Variants in SOX5 observed in about 807,000 individuals in gnomAD.
SOX5 encodes transcription factor SOX-5.
Under a neutral mutation model 92.0 loss-of-function variants are expected in SOX5, and 9 were observed. The observed-to-expected ratio is 0.10, with a 90% CI of 0.06 to 0.17. SOX5 has a LOEUF of 0.17. Ranked by LOEUF, SOX5 falls within the 10% of genes least tolerant of loss-of-function variation. The pLI, the probability that SOX5 is intolerant of heterozygous loss-of-function variation, is 1.00. For missense variants in SOX5, 642 were observed against 944.5 expected, an observed-to-expected ratio of 0.68 and a Z score of 4.20; for synonymous variants, 344 against 336.3, an observed-to-expected ratio of 1.02 and a Z score of -0.25.
chr12:23,809,617 A>AT (rs2095841587), intron 3 of SOX5, among the ~76,000 whole-genome samples: 2 of 95,826 alleles, frequency 2.1e-5, no homozygotes, highest in African/African-American at 7.2e-5. Flanking sequence ...ATACTTTTTT[A>AT]TTAAAAAAAA....
At chr12:23,896,304 T>C (rs1203219813) in intron 1 of SOX5, among the ~76,000 whole-genome samples, 1 of 152,144 alleles carries the variant, frequency 6.6e-6, no homozygotes, top group East Asian at 1.9e-4. Context: ...CACTGCATAA[T>C]GAAAGACCAT....
intron 1 of SOX5, among the ~76,000 whole-genome samples, chr12:24,520,491 A>T (rs1950173755): frequency 7.2e-6 from 1 of 137,968 alleles, no homozygotes; most frequent in East Asian, 1.9e-4. Context: ...TAGACACATA[A>T]AAGATAAACA....
intron 3 of SOX5, among the ~76,000 whole-genome samples, chr12:24,229,255 A>C (rs1962836641): frequency 6.6e-6 from 1 of 152,238 alleles, no homozygotes; most frequent in Non-Finnish European, 1.5e-5. Context: ...TTAGCATGCC[A>C]GGGGGCTAAT....
chr12:23,759,072 C>T (rs950229476), intron 3 of SOX5, among the ~76,000 whole-genome samples: 28 of 150,486 alleles, frequency 1.9e-4, no homozygotes, highest in African/African-American at 6.8e-4. Flanking sequence ...CACACTGTCC[C>T]TCATTTAATC....
chr12:24,039,774 G>A (rs1031976303), intron 4 of SOX5, among the ~76,000 whole-genome samples: 3 of 152,066 alleles, frequency 2.0e-5, no homozygotes, highest in African/African-American at 4.8e-5. Context: ...AGTACCAGGA[G>A]TATAGTTTAA....
At chr12:24,077,374 C>A (rs1942759942) in intron 4 of SOX5, among the ~76,000 whole-genome samples, 1 of 152,048 alleles carries the variant, frequency 6.6e-6, no homozygotes, top group Non-Finnish European at 1.5e-5. Flanking sequence ...TCTTACGATA[C>A]TCCATGTTTT....
intron 4 of SOX5, among the ~76,000 whole-genome samples, chr12:24,045,755 T>A (rs1956942402): frequency 6.6e-6 from 1 of 152,208 alleles, no homozygotes; most frequent in Non-Finnish European, 1.5e-5. Flanking sequence ...CACAGGTGTG[T>A]TTCTTTATAA....
At chr12:24,557,772 G>GT (rs1164543855) in intron 1 of SOX5, among the ~76,000 whole-genome samples, 4 of 152,202 alleles carry the variant, frequency 2.6e-5, no homozygotes, top group African/African-American at 9.6e-5. Context: ...GGGGTGTTTT[G>GT]TTTTTACTTA....
At position 23,605,094 on chromosome 12, in the gene SOX5, G is replaced by A. The variant is rs897721525; in HGVS notation, c.1018-561C>T. Among the ~76,000 whole-genome samples the A allele has an allele frequency of 4.6e-5, 7 of 152,194 alleles. No individual in the cohort carries two copies. In the South Asian group the frequency reaches 1.5e-3, roughly 32 times the overall value. ...TACCTACATTGATAAAAATTAACTG[G>A]ATGCTTGCCAGAAGTTCACTTTACT... On this transcript the variant is annotated intron_variant, in intron 8 of 14. Coordinates refer to ENST00000451604, the MANE Select transcript of SOX5 (RefSeq NM_006940.6).
At chr12:23,761,204 G>T (rs2094553263) in intron 3 of SOX5, among the ~76,000 whole-genome samples, 3 of 152,032 alleles carry the variant, frequency 2.0e-5, no homozygotes, top group South Asian at 4.1e-4. Flanking sequence ...GAGCTGAAAA[G>T]GTCTTTATAT....
chr12:23,917,617 G>T (rs1039028128), intron 1 of SOX5, among the ~76,000 whole-genome samples: 2 of 152,210 alleles, frequency 1.3e-5, no homozygotes, highest in South Asian at 4.1e-4. Flanking sequence ...ATGGCATTTT[G>T]CTTGCTTCAA....
At chr12:23,556,319 T>TA (rs1422985425) in intron 11 of SOX5, among the ~76,000 whole-genome samples, 1 of 152,184 alleles carries the variant, frequency 6.6e-6, no homozygotes, top group Non-Finnish European at 1.5e-5. Flanking sequence ...ACTCTGATAA[T>TA]AAGAAGGCAA....
chr12:23,722,756 A>G (rs1166401808), intron 6 of SOX5, among the ~76,000 whole-genome samples: 2 of 152,152 alleles, frequency 1.3e-5, no homozygotes, highest in African/African-American at 4.8e-5. Flanking sequence ...ATGCCAAAGC[A>G]TCTAAACGGC....
At chr12:23,856,574 C>T (rs1399059989) in intron 2 of SOX5, among the ~76,000 whole-genome samples, 2 of 151,980 alleles carry the variant, frequency 1.3e-5, no homozygotes, top group African/African-American at 4.8e-5. Context: ...AGAATTAAAC[C>T]TAAGATTCAA....
intron 1 of SOX5, among the ~76,000 whole-genome samples, chr12:24,401,708 T>TAAAAAAAAAAAAA (rs71063321): frequency 3.0e-5 from 3 of 99,454 alleles, no homozygotes; most frequent in African/African-American, 1.2e-4. Flanking sequence ...ACCCTATCTT[T>TAAAAAAAAAAAAA]AAAAAAAAAA....
At chr12:24,001,574 T>C (rs1293584770) in intron 4 of SOX5, among the ~76,000 whole-genome samples, 2 of 152,140 alleles carry the variant, frequency 1.3e-5, no homozygotes, top group African/African-American at 4.8e-5. Context: ...CTCATACTTG[T>C]AATCCGAGTA....
chr12:24,446,577 G>C (rs941229743), intron 1 of SOX5, among the ~76,000 whole-genome samples: 11 of 152,172 alleles, frequency 7.2e-5, no homozygotes, highest in African/African-American at 2.4e-4. Flanking sequence ...ATGGGGAAGA[G>C]TGACATGACT....
At chr12:24,385,940 AAAAAAGAG>A (rs954592099) in intron 1 of SOX5, among the ~76,000 whole-genome samples, 1 of 150,446 alleles carries the variant, frequency 6.6e-6, no homozygotes, top group African/African-American at 2.4e-5. Context: ...AAAAAAAAAA[AAAAAAGAG>A]AGAGAGATTT....
intron 2 of SOX5, among the ~76,000 whole-genome samples, chr12:24,329,711 G>A (rs1274107335): frequency 2.0e-5 from 3 of 151,536 alleles, no homozygotes; most frequent in Non-Finnish European, 4.4e-5. Flanking sequence ...TTCGATATAA[G>A]GGAAAATGGT....
Sources: allele counts gnomAD v4.1 joint callset (sites outside exome capture counted in the v4.1 genomes callset), GRCh38; gene constraint gnomAD v4.1.1; transcripts MANE v1.5; gene names NCBI Gene and HGNC (gene_info 2026-07-23, HGNC 2026-07-21).